Variants in PYGB observed in about 807,000 individuals in gnomAD.
The protein encoded by PYGB is glycogen phosphorylase, brain form.
Under a neutral mutation model 94.3 loss-of-function variants are expected in PYGB, and 82 were observed. The ratio of observed to expected loss-of-function variants is 0.87; its 90% confidence interval spans 0.73 to 1.04. The LOEUF (loss-of-function observed/expected upper bound fraction) is 1.04, where lower values mean the gene tolerates loss of function less well. Ranked by LOEUF, PYGB falls within the 50% of genes least tolerant of loss-of-function variation. The pLI is 0.00. For missense variants in PYGB, 1,132 were observed against 1,158.2 expected (o/e 0.98, Z 0.33); for synonymous variants, 488 against 479.1 (o/e 1.02, Z -0.24).
At chr20:25,277,947 A>C (rs1050144988) in intron 7 of PYGB, among the ~76,000 whole-genome samples, 1 of 152,224 alleles carries the variant, frequency 6.6e-6, no homozygotes, top group Admixed American at 6.5e-5. Flanking sequence ...TAACCTGTGC[A>C]CACAGGAGCA....
chr20:25,288,622 C>A, intron 15 of PYGB, 139 bp downstream of exon 15: 1 of 985,474 alleles, frequency 1.0e-6, no homozygotes, highest in Non-Finnish European at 1.5e-6. Flanking sequence ...CTCTGGTATG[C>A]CTGTGGGGGT....
In PYGB at chr20:25,283,236, A is replaced by G; in HGVS notation, c.1579A>G (p.Ser527Gly). The G allele has an allele frequency of 6.2e-7, 1 of 1,613,872 alleles. No individual in the cohort carries two copies. The highest frequency in any genetic ancestry group is 8.5e-7 in the Non-Finnish European group (1 of 1,179,890). ...GCTGAAGAAGCTGCTGCCGCTGGTC[A>G]GTGACGAGGTGTTCATCAGGGACGT... ...SQLKKLLPLV[S>G]DEVFIRDVAK... The change falls in exon 13 of 20, where the codon AGT becomes GGT. Residue 527 changes from serine to glycine, a missense_variant. Ser to Gly is a moderately conservative substitution (Grantham distance 56). Coordinates refer to ENST00000216962, the MANE Select transcript of PYGB (RefSeq NM_002862.4).
rs766467532 is a variant in PYGB at position 25,288,920 on chromosome 20, A to G, written c.1827+437A>G. On this transcript the variant is annotated intron_variant, in intron 15 of 19. Transcript: ENST00000216962. ...AGTCCCAGGTCACATCGTCACACTC[A>G]TCAGCCCTCTGCGGCCAGTGTCCCC... Among the ~76,000 whole-genome samples the G allele has an allele frequency of 3.3e-5, 5 of 152,230 alleles. No homozygotes were observed. In the South Asian group the frequency reaches 1.0e-3, roughly 32 times the overall value.
At chr20:25,285,384 C>T (rs891671340) in intron 14 of PYGB, 1 of 152,182 alleles carries the variant, frequency 6.6e-6, no homozygotes. Context: ...CACCCCCTCC[C>T]TTCCTCCCGC....
chr20:25,294,974 C>T, intron 18 of PYGB: 3 of 1,614,162 alleles, frequency 1.9e-6, no homozygotes, highest in Non-Finnish European at 2.5e-6. Context: ...TGGCTTCAGT[C>T]ACACCAGCTC....
At chr20:25,257,982 G>A (rs1364054250) in intron 1 of PYGB, among the ~76,000 whole-genome samples, 3 of 152,202 alleles carry the variant, frequency 2.0e-5, no homozygotes, top group Non-Finnish European at 4.4e-5. Flanking sequence ...AGTGACAGCA[G>A]CAGTAGTTGT....
At position 25,278,506 on chromosome 20, in the gene PYGB, C is replaced by T. The variant is rs377690963; in HGVS notation, c.999+44C>T. On this transcript the variant is annotated intron_variant, in intron 8 of 19. Transcript: ENST00000216962. ...AGGGATCTCAGTGCCAGGGGCTGGG[C>T]GCCTTCAGGCTCTTGAGGTTGCTTT... is the stretch of plus-strand genomic sequence containing the variant. 1.0e-4 allele frequency: 164 copies of T among 1,606,388 alleles called. 1 individual carries two copies. The Admixed American group carries it at 1.5e-3, about 15-fold the overall frequency.
At chr20:25,266,117 C>A (rs2088216342) in intron 2 of PYGB, among the ~76,000 whole-genome samples, 1 of 152,216 alleles carries the variant, frequency 6.6e-6, no homozygotes, top group Non-Finnish European at 1.5e-5. Flanking sequence ...TCCCAAAGTG[C>A]TGGGATTTCA....
chr20:25,292,748 G>C lies in PYGB; in HGVS notation c.2177+135G>C, dbSNP rs2088480988. On this transcript the variant is annotated intron_variant, in intron 17 of 19. Transcript: ENST00000216962. ...AGGGTCAGTGCCCACCCAGGGCTGT[G>C]TGCCTGCCTGCAGGGGTGACCATTT... 37 of 1,191,320 alleles carry C rather than the reference G, an allele frequency of 3.1e-5. No homozygotes were observed. In the South Asian group the frequency reaches 5.4e-4, roughly 17 times the overall value. 73.8% of individuals were successfully genotyped at this position (1,191,320 alleles called of 1,614,324 possible).
chr20:25,248,986 C>T (rs539270288), intron 1 of PYGB, among the ~76,000 whole-genome samples: 3 of 152,338 alleles, frequency 2.0e-5, no homozygotes, highest in African/African-American at 4.8e-5. Context: ...AGATGGAGCC[C>T]TCGAAGAAGG....
chr20:25,275,277 G>C (rs1270015204), intron 5 of PYGB, among the ~76,000 whole-genome samples: 2 of 152,256 alleles, frequency 1.3e-5, no homozygotes, highest in Non-Finnish European at 2.9e-5. Flanking sequence ...TGCTGATGGG[G>C]AATCAGGGCA....
At chr20:25,270,255 T>C (rs1600728186) in intron 3 of PYGB, among the ~76,000 whole-genome samples, 1 of 146,528 alleles carries the variant, frequency 6.8e-6, no homozygotes, top group African/African-American at 2.6e-5. Flanking sequence ...CAGGCTGGAG[T>C]GCAGTGGGTG....
intron 15 of PYGB, 149 bp downstream of exon 15, chr20:25,288,632 TG>T: frequency 2.3e-6 from 2 of 880,252 alleles, no homozygotes; most frequent in Non-Finnish European, 3.5e-6. Context: ...CCTGTGGGGG[TG>T]GGGACCCTGT....
At chr20:25,278,227 G>T (rs1301977351) in intron 7 of PYGB, 92 bp from the exon 8 acceptor site, 2 of 1,278,458 alleles carry the variant, frequency 1.6e-6, no homozygotes, top group Non-Finnish European at 2.0e-6. Context: ...TCGGCCTTCT[G>T]CCTGCACCTT....
rs2088363287 is a variant in PYGB at position 25,281,107 on chromosome 20, G to A, written c.1398G>A (p.Gln466=). 6.2e-7 allele frequency: 1 copy of A among 1,614,052 alleles called. No individual in the cohort carries two copies. The highest frequency in any genetic ancestry group is 1.3e-5 in the African/African-American group (1 of 74,934). Residue 466 remains glutamine (Q), a synonymous_variant, in exon 11 of 20, where the codon CAG becomes CAA. Coordinates refer to ENST00000216962, the MANE Select transcript of PYGB (RefSeq NM_002862.4). The part of the protein sequence containing the change: ...VARIHSEIVK[Q]SVFKDFYELE... ...GGATCCACTCGGAGATCGTGAAACA[G>A]TCGGTGTGAGTGGGGCGCTTGCCCG...
intron 2 of PYGB, 70 bp downstream of exon 2, chr20:25,259,408 A>T: frequency 8.0e-7 from 1 of 1,255,316 alleles, no homozygotes; most frequent in Non-Finnish European, 1.2e-6. Flanking sequence ...CCATTTTCCC[A>T]CAGAGGTGAG....
At chr20:25,256,668 G>A (rs780492813) in intron 1 of PYGB, among the ~76,000 whole-genome samples, 2 of 152,198 alleles carry the variant, frequency 1.3e-5, no homozygotes, top group South Asian at 2.1e-4. Flanking sequence ...TTAAGGGATC[G>A]TGTTGGCATT....
intron 1 of PYGB, among the ~76,000 whole-genome samples, chr20:25,254,851 G>A (rs1215889216): frequency 1.3e-5 from 2 of 152,226 alleles, no homozygotes; most frequent in Non-Finnish European, 2.9e-5. Flanking sequence ...TTGTGGCAAT[G>A]TGTGTCATGG....
At chr20:25,268,271 G>A (rs1404523958) in intron 2 of PYGB, among the ~76,000 whole-genome samples, 3 of 147,506 alleles carry the variant, frequency 2.0e-5, no homozygotes, top group Non-Finnish European at 3.0e-5. Flanking sequence ...TCAAATTACT[G>A]TATGTGTCAA....
Sources: allele counts gnomAD v4.1 joint callset (sites outside exome capture counted in the v4.1 genomes callset), GRCh38; gene constraint gnomAD v4.1.1; transcripts MANE v1.5; gene names NCBI Gene and HGNC (gene_info 2026-07-23, HGNC 2026-07-21).